The following WRN variants were observed in gnomAD, a reference collection of about 807,000 sequenced individuals.
WRN encodes bifunctional 3'-5' exonuclease/ATP-dependent helicase WRN.
In WRN, 149 loss-of-function variants were observed where a neutral mutation model predicts 180.7. The ratio of observed to expected loss-of-function variants is 0.82; its 90% CI spans 0.72 to 0.94. WRN has a LOEUF of 0.94. Among genes scored for constraint, WRN ranks in the 40% least tolerant of loss-of-function variants. The probability of loss-of-function intolerance (pLI) is 0.00; values close to 1 mark genes in which losing one functional copy is unlikely to be tolerated. For missense variants in WRN, 1,661 were observed against 1,700.1 expected, an observed-to-expected ratio of 0.98 and a Z score of 0.40; for synonymous variants, 548 against 568.9, an observed-to-expected ratio of 0.96 and a Z score of 0.52.
intron 11 of WRN, chr8:31,087,519 C>A: frequency 2.7e-6 from 1 of 364,118 alleles, no homozygotes; most frequent in Non-Finnish European, 5.1e-6. Flanking sequence ...GATAGCTTTC[C>A]CCAGGGGCAG....
intron 33 of WRN, among the ~76,000 whole-genome samples, chr8:31,165,981 TTAG>T (rs142274922): frequency 0.067 from 9,603 of 144,302 alleles, 329 homozygotes; most frequent in African/African-American, 0.09. Flanking sequence ...GAAACTTTAA[TTAG>T]TTAACCCACT....
intron 1 of WRN, among the ~76,000 whole-genome samples, chr8:31,054,553 C>A (rs1812190692): frequency 2.0e-5 from 3 of 151,920 alleles, no homozygotes; most frequent in Non-Finnish European, 2.9e-5. Flanking sequence ...AAAACAACAA[C>A]AACAAAAATT....
chr8:31,148,204 A>G (rs1367477084), intron 30 of WRN, among the ~76,000 whole-genome samples: 1 of 151,998 alleles, frequency 6.6e-6, no homozygotes, highest in Non-Finnish European at 1.5e-5. Flanking sequence ...TCATTTAAAT[A>G]CTTTTCATAC....
At chr8:31,077,409 T>C (rs1032348105) in intron 8 of WRN, among the ~76,000 whole-genome samples, 1 of 150,478 alleles carries the variant, frequency 6.6e-6, no homozygotes, top group Non-Finnish European at 1.5e-5. Flanking sequence ...CCTGGCTAAT[T>C]TTTTTTTTAT....
intron 10 of WRN, 77 bp from the exon 11 acceptor site, chr8:31,085,089 T>G: frequency 7.3e-7 from 1 of 1,368,608 alleles, no homozygotes; most frequent in East Asian, 2.4e-5. Context: ...ATCTAGTATA[T>G]AGGAGCTTTG....
Position 31,132,396 on chromosome 8 carries a change from G to A in WRN, c.2857G>A (p.Glu953Lys). 6.2e-7 allele frequency: 1 copy of A among 1,614,068 alleles called. No homozygotes were observed. The highest frequency in any genetic ancestry group is 1.7e-5 in the Admixed American group (1 of 60,032). ...LDHCYSMDDS[E>K]DTSWDFGPQA... Reference sequence around the variant, plus strand: ...TCATTGCTATTCCATGGATGACTCAGAGGATACATCCTGGGACTTTGGTCC... The same window carrying A: ...TCATTGCTATTCCATGGATGACTCAAAGGATACATCCTGGGACTTTGGTCC... Residue 953 changes from glutamate to lysine, a missense_variant, in exon 24 of 35, where the codon GAG (glutamate) becomes AAG (lysine). Glu to Lys is a moderately conservative substitution (Grantham distance 56). Transcript: ENST00000298139.
intron 1 of WRN, among the ~76,000 whole-genome samples, chr8:31,044,839 C>T (rs185204986): frequency 6.6e-6 from 1 of 152,280 alleles, no homozygotes; most frequent in East Asian, 1.9e-4. Context: ...TACCCTATAA[C>T]TGCTTCCCAT....
chr8:31,144,937 A>G (rs1171842339), intron 28 of WRN, among the ~76,000 whole-genome samples: 2 of 152,230 alleles, frequency 1.3e-5, no homozygotes, highest in Non-Finnish European at 2.9e-5. Flanking sequence ...GCCAAAGCCT[A>G]ATCCAGAGCA....
chr8:31,127,742 G>C (rs1267133079), intron 23 of WRN, among the ~76,000 whole-genome samples: 2 of 151,908 alleles, frequency 1.3e-5, no homozygotes, highest in African/African-American at 2.4e-5. Context: ...CCGAGACTGT[G>C]TCTCTACAAA....
chr8:31,120,037 G>A (rs1801662981), intron 20 of WRN: 1 of 585,172 alleles, frequency 1.7e-6, no homozygotes, highest in South Asian at 1.9e-5. Flanking sequence ...TTTATAGAGA[G>A]TGAACAGAAA....
rs746348167 is a variant in WRN, at chr8:31,087,874, A to AGAT, written c.1536_1538dup (p.Asp512dup). The AGAT allele has an allele frequency of 4.3e-6, 7 of 1,612,856 alleles. No homozygotes were observed. The highest frequency in any genetic ancestry group is 3.3e-5 in the South Asian group (3 of 91,058). ...GTCTTCCTACTAAAGAAGAAGAAGA[A>AGAT]GATGATGAAAATGAAGCTAATGAAG... On this transcript the variant is annotated inframe_insertion, in exon 12 of 35. Transcript: ENST00000298139.
At chr8:31,150,318 G>GT in intron 30 of WRN, 23 bp from the exon 31 acceptor site, 1 of 1,571,226 alleles carries the variant, frequency 6.4e-7, no homozygotes, top group South Asian at 1.1e-5. Context: ...TTTTGTTGTT[G>GT]TTGTTGTTGT....
intron 4 of WRN, 84 bp from the exon 5 acceptor site, chr8:31,064,831 A>G (rs1432853085): frequency 1.4e-6 from 2 of 1,463,474 alleles, no homozygotes; most frequent in East Asian, 2.3e-5. Context: ...ACAAATTTAC[A>G]CATAAACATG....
chr8:31,124,826 A>G, intron 22 of WRN, 82 bp from the exon 23 acceptor site: 1 of 1,377,508 alleles, frequency 7.3e-7, no homozygotes. Flanking sequence ...ATTAATGGTG[A>G]TTTTACCTCA....
chr8:31,056,821 A>G (rs564921440), intron 1 of WRN, among the ~76,000 whole-genome samples: 104 of 152,356 alleles, frequency 6.8e-4, no homozygotes, highest in African/African-American at 2.3e-3. Flanking sequence ...ACAATAAACA[A>G]TCTAGATAGT....
At chr8:31,149,455 GTTTTTTTTTTTTTTTTTTTTTT>G (rs71208105) in intron 30 of WRN, among the ~76,000 whole-genome samples, 1 of 51,976 alleles carries the variant, frequency 1.9e-5, no homozygotes, top group Non-Finnish European at 3.3e-5. Context: ...TAATAGAGGT[GTTTTTTTTTTTTTTTTTTTTTT>G]TTTTTTTTTT....
intron 8 of WRN, among the ~76,000 whole-genome samples, chr8:31,077,327 G>A (rs1435245122): frequency 8.6e-5 from 13 of 152,042 alleles, no homozygotes; most frequent in South Asian, 2.1e-4. Context: ...TGCAAGCTCC[G>A]CCTCCCGGGT....
chr8:31,085,012 T>A (rs2130139426), intron 10 of WRN, among the ~76,000 whole-genome samples, 154 bp from the exon 11 acceptor site: 1 of 152,064 alleles, frequency 6.6e-6, no homozygotes, highest in Non-Finnish European at 1.5e-5. Context: ...CTCCCTTTTT[T>A]ATCTATCATA....
Position 31,124,579 on chromosome 8 carries a change from G to C in WRN, c.2688G>C (p.Met896Ile). Residue 896 changes from methionine to isoleucine, a missense_variant, in exon 22 of 35, where the codon ATG becomes ATC. This residue lies in a region of WRN where 1,141 missense variants were observed against 1,149.4 expected (regional missense o/e 0.99). Coordinates refer to ENST00000298139, the MANE Select transcript of WRN (RefSeq NM_000553.6). Reference sequence around the variant, plus strand: ...TTCGATTATACAAATTAAAGATGATGGCAAAGATGGAAAAATATCTTCATT... The same window carrying C: ...TTCGATTATACAAATTAAAGATGATCGCAAAGATGGAAAAATATCTTCATT... Reference protein sequence around the residue: ...EKFRLYKLKMMAKMEKYLHSS... With the variant: ...EKFRLYKLKMIAKMEKYLHSS... The C allele has an allele frequency of 1.2e-6, 2 of 1,612,778 alleles. No homozygotes were observed.
Sources: allele counts gnomAD v4.1 joint callset (sites outside exome capture counted in the v4.1 genomes callset), GRCh38; gene constraint gnomAD v4.1.1; regional missense constraint gnomAD v4.1.1; transcripts MANE v1.5; gene names NCBI Gene and HGNC (gene_info 2026-07-23, HGNC 2026-07-21).